Variants in FRMD4A observed in about 807,000 individuals in gnomAD.
FRMD4A encodes the protein FERM domain containing 4A.
FRMD4A carries 29 observed loss-of-function variants against 129.1 expected under a neutral mutation model. That is an observed-to-expected ratio of 0.22 (90% CI 0.17 to 0.31). The LOEUF (loss-of-function observed/expected upper bound fraction) is 0.31. FRMD4A is among the 10% of genes least tolerant of loss of function. The pLI, the probability that FRMD4A is intolerant of heterozygous loss-of-function variation, is 1.00. For synonymous variants in FRMD4A, 634 were observed against 571.6 expected (o/e 1.11, Z -1.56); for missense variants, 1,272 against 1,375.8 (o/e 0.92, Z 1.19).
At chr10:13,859,749 C>G (rs2131041019) in intron 2 of FRMD4A, among the ~76,000 whole-genome samples, 1 of 152,234 alleles carries the variant, frequency 6.6e-6, no homozygotes, top group East Asian at 1.9e-4. Context: ...TGTGTATGAC[C>G]TGATTCCCTA....
rs1334423828 is a variant in FRMD4A, at chr10:13,713,963, AAT to A, written c.760-6852_760-6851del. Among the ~76,000 whole-genome samples the A allele has an allele frequency of 4.2e-3, 341 of 80,892 alleles. 81 individuals carry two copies. Among genetic ancestry groups the A allele is most frequent in the African/African-American group, 6.2e-3 (141 of 22,692 alleles). The allele number at this position is 80,892 out of a possible 152,430, so 53.1% of individuals were successfully genotyped here. On this transcript the variant is annotated intron_variant, in intron 12 of 24. Coordinates refer to ENST00000357447, the MANE Select transcript of FRMD4A (RefSeq NM_018027.5). ...ATATATGTAATACACACACATATAT[AAT>A]ATATACATATATGTAATATACATAT...
At chr10:14,044,307 T>C (rs528264001) in intron 2 of FRMD4A, among the ~76,000 whole-genome samples, 1 of 152,348 alleles carries the variant, frequency 6.6e-6, no homozygotes, top group Non-Finnish European at 1.5e-5. Context: ...ATTGCCATCT[T>C]TTCCTTCTCT....
At chr10:14,287,088 C>T (rs1024673236) in intron 2 of FRMD4A, among the ~76,000 whole-genome samples, 4 of 152,006 alleles carry the variant, frequency 2.6e-5, no homozygotes, top group African/African-American at 9.7e-5. Context: ...TGACTTCACC[C>T]ACCAGTGTCC....
At chr10:13,736,138 C>A (rs574196730) in intron 12 of FRMD4A, among the ~76,000 whole-genome samples, 1 of 151,910 alleles carries the variant, frequency 6.6e-6, no homozygotes, top group African/African-American at 2.4e-5. Flanking sequence ...GGAGACAGAG[C>A]GAGACTCCAT....
chr10:13,736,188 G>C (rs1451767873), intron 12 of FRMD4A, among the ~76,000 whole-genome samples: 1 of 151,986 alleles, frequency 6.6e-6, no homozygotes, highest in East Asian at 1.9e-4. Context: ...AAAACAAAAA[G>C]AGAAGGGTTG....
chr10:14,110,125 T>TTAAAAAAAAAAAAA lies in FRMD4A; in HGVS notation c.45+219932_45+219933insTTTTTTTTTTTTTA, dbSNP rs372420987. On this transcript the variant is annotated intron_variant, in intron 2 of 24. Coordinates refer to ENST00000357447, the MANE Select transcript of FRMD4A (RefSeq NM_018027.5). The stretch of plus-strand genomic sequence containing the variant: ...GGCTGGGCAACAAAGCGAGATGCTG[T>TTAAAAAAAAAAAAA]AAAAAAAAAAAAAAAAAAAAAAGCT... Among the ~76,000 whole-genome samples, 481 of 89,516 alleles carry TTAAAAAAAAAAAAA rather than the reference T, an allele frequency of 5.4e-3. 116 individuals carry two copies. The highest frequency in any genetic ancestry group is 0.026 in the Middle Eastern group (3 of 116). The allele number at this position is 89,516 out of a possible 152,430, so 58.7% of individuals were successfully genotyped here. A position where few individuals can be genotyped will look rare whatever the true frequency, so the allele number is the denominator to read the frequency against.
chr10:14,326,759 C>T (rs1351164780), intron 2 of FRMD4A: 1 of 397,924 alleles, frequency 2.5e-6, no homozygotes, highest in African/African-American at 2.1e-5. Flanking sequence ...ACTCACACGC[C>T]CTCAACAAAT....
At chr10:13,655,115 G>A (rs973639307) in intron 22 of FRMD4A, 1 of 152,394 alleles carries the variant, frequency 6.6e-6, no homozygotes, top group African/African-American at 2.4e-5. Flanking sequence ...TACTGATGTA[G>A]GCAGCATGGA....
At chr10:13,904,252 A>C (rs1301538586) in intron 2 of FRMD4A, among the ~76,000 whole-genome samples, 2 of 26,628 alleles carry the variant, frequency 7.5e-5, no homozygotes, top group Non-Finnish European at 1.7e-4. Context: ...CCAGCCAAGG[A>C]GAACGCTCCT....
chr10:14,135,184 C>T (rs150202690), intron 2 of FRMD4A, among the ~76,000 whole-genome samples: 67 of 152,264 alleles, frequency 4.4e-4, no homozygotes, highest in Non-Finnish European at 8.8e-4. Flanking sequence ...CTTAATATGG[C>T]CTGAGAAAGA....
chr10:13,722,057 AG>A (rs927467851), intron 12 of FRMD4A, among the ~76,000 whole-genome samples: 2 of 152,162 alleles, frequency 1.3e-5, no homozygotes, highest in Non-Finnish European at 2.9e-5. Flanking sequence ...TGCTCGCTCC[AG>A]GGGGTACAGG....
chr10:14,218,821 G>T lies in FRMD4A; in HGVS notation c.45+111237C>A, dbSNP rs762063722. On this transcript the variant is annotated intron_variant, in intron 2 of 24. Coordinates refer to ENST00000357447, the MANE Select transcript of FRMD4A (RefSeq NM_018027.5). ...AATACAAAAATTAGCCGGGTGTGGT[G>T]GTGGGCACCTGTAATCCCAGCTATT... is the stretch of plus-strand genomic sequence containing the variant. 3.9e-5 allele frequency among the ~76,000 whole-genome samples: 6 copies of T among 151,998 alleles called. 1 individual carries two copies. The South Asian group carries it at 8.3e-4, about 21-fold the overall frequency.
intron 2 of FRMD4A, among the ~76,000 whole-genome samples, chr10:14,206,802 G>A (rs1278023192): frequency 0.012 from 2 of 172 alleles, no homozygotes; most frequent in Non-Finnish European, 0.021. Context: ...AGAGTGAGAC[G>A]CTATCTCAAA....
At chr10:13,693,549 A>G in intron 15 of FRMD4A, 1 of 1,198,630 alleles carries the variant, frequency 8.3e-7, no homozygotes, top group Non-Finnish European at 1.1e-6. Context: ...TGGGCACATG[A>G]GCGGATTCCA....
intron 2 of FRMD4A, among the ~76,000 whole-genome samples, chr10:13,960,564 A>G (rs976376832): frequency 1.3e-5 from 2 of 152,194 alleles, no homozygotes; most frequent in African/African-American, 4.8e-5. Context: ...TTTATAGATG[A>G]GAGGATTTGG....
At chr10:13,677,879 G>C (rs563487706) in intron 15 of FRMD4A, among the ~76,000 whole-genome samples, 1 of 152,300 alleles carries the variant, frequency 6.6e-6, no homozygotes, top group African/African-American at 2.4e-5. Context: ...AACAGACCTA[G>C]AGAAACTTGG....
At chr10:14,322,648 CT>C (rs1477017045) in intron 2 of FRMD4A, among the ~76,000 whole-genome samples, 1 of 152,200 alleles carries the variant, frequency 6.6e-6, no homozygotes, top group African/African-American at 2.4e-5. Context: ...ATAAAAAGCA[CT>C]CATCACAATG....
intron 2 of FRMD4A, among the ~76,000 whole-genome samples, chr10:14,160,993 C>A (rs1443557447): frequency 1.3e-5 from 2 of 152,200 alleles, no homozygotes; most frequent in African/African-American, 2.4e-5. Flanking sequence ...TCACTCTTGT[C>A]GCCCAGGCTG....
At chr10:14,091,795 T>C (rs1836676654) in intron 2 of FRMD4A, among the ~76,000 whole-genome samples, 1 of 152,354 alleles carries the variant, frequency 6.6e-6, no homozygotes, top group Middle Eastern at 3.4e-3. Context: ...AGGAAACCAA[T>C]AGAAGCTTGG....
Sources: allele counts gnomAD v4.1 joint callset (sites outside exome capture counted in the v4.1 genomes callset), GRCh38; gene constraint gnomAD v4.1.1; transcripts MANE v1.5; gene names NCBI Gene and HGNC (gene_info 2026-07-23, HGNC 2026-07-21).